Variants in EFNA5 observed in about 807,000 individuals in gnomAD.
The protein encoded by EFNA5 is ephrin-A5.
A neutral mutation model predicts 22.9 loss-of-function variants in EFNA5; 5 were observed. The ratio of observed to expected loss-of-function variants is 0.22; its 90% confidence interval spans 0.11 to 0.46. The LOEUF (loss-of-function observed/expected upper bound fraction) is 0.46. EFNA5 is among the 20% of genes least tolerant of loss of function. EFNA5 has a pLI of 0.99. For synonymous variants in EFNA5, 113 were observed against 112.2 expected, an observed-to-expected ratio of 1.01 and a Z score of -0.04; for missense variants, 237 against 293.3, an observed-to-expected ratio of 0.81 and a Z score of 1.40.
chr5:107,623,594 A>G (rs764048704), intron 1 of EFNA5, among the ~76,000 whole-genome samples: 12 of 152,174 alleles, frequency 7.9e-5, no homozygotes, highest in Non-Finnish European at 1.5e-4. Flanking sequence ...GAAGTACTGT[A>G]CAGCATGAAT....
chr5:107,515,783 C>A (rs1180412419), intron 1 of EFNA5, among the ~76,000 whole-genome samples: 4 of 152,266 alleles, frequency 2.6e-5, no homozygotes, highest in East Asian at 3.9e-4. Context: ...AATCTTATAA[C>A]CTCTTCCTAC....
chr5:107,588,418 C>A (rs971925333), intron 1 of EFNA5, among the ~76,000 whole-genome samples: 1 of 152,140 alleles, frequency 6.6e-6, no homozygotes, highest in Admixed American at 6.5e-5. Context: ...AGTCTCTCTG[C>A]ACTGACACTA....
rs1554055943 is a variant in EFNA5, at chr5:107,387,784, C to G, written c.419-13G>C. The G allele has an allele frequency of 1.1e-5, 17 of 1,588,370 alleles. No individual in the cohort carries two copies. The South Asian group carries it at 1.9e-4, about 18-fold the overall frequency. The stretch of plus-strand genomic sequence containing the variant: ...GGGATTGCAGAGGCTGTGGGTAACA[C>G]AGAGAGAGAGCAGGAAAGAAAGAAG... On this transcript the variant is annotated splice_polypyrimidine_tract_variant and intron_variant, in intron 2 of 4. Transcript: ENST00000333274.
intron 2 of EFNA5, among the ~76,000 whole-genome samples, chr5:107,395,034 C>CTTGTTTTTTTTTTTTTTTT (rs1747883498): frequency 1.2e-5 from 1 of 86,142 alleles, no homozygotes; most frequent in Non-Finnish European, 2.2e-5. Flanking sequence ...ATTTCTAGTT[C>CTTGTTTTTTTTTTTTTTTT]TTTTTTTTTT....
At chr5:107,563,287 C>A (rs187036768) in intron 1 of EFNA5, among the ~76,000 whole-genome samples, 1 of 152,166 alleles carries the variant, frequency 6.6e-6, no homozygotes, top group Non-Finnish European at 1.5e-5. Flanking sequence ...TCCCCAAGCA[C>A]CCCACTTTCC....
At chr5:107,561,610 C>T (rs755761808) in intron 1 of EFNA5, among the ~76,000 whole-genome samples, 3 of 152,090 alleles carry the variant, frequency 2.0e-5, no homozygotes, top group East Asian at 1.9e-4. Flanking sequence ...CCTCGTGACC[C>T]GCCCACCTAA....
intron 1 of EFNA5, among the ~76,000 whole-genome samples, chr5:107,430,240 G>T (rs1748912179): frequency 6.6e-6 from 1 of 152,174 alleles, no homozygotes; most frequent in Admixed American, 6.5e-5. Context: ...ACACTGCAAA[G>T]TTCAGATAAA....
At chr5:107,623,027 CAAAAAAAAAAAAAAAAA>C (rs61689503) in intron 1 of EFNA5, among the ~76,000 whole-genome samples, 4 of 29,886 alleles carry the variant, frequency 1.3e-4, no homozygotes, top group South Asian at 2.4e-3. Flanking sequence ...GACTCCGTCT[CAAAAAAAAAAAAAAAAA>C]AAAAAAAAAA....
intron 1 of EFNA5, among the ~76,000 whole-genome samples, chr5:107,569,559 T>TTATATTTA (rs1554067019): frequency 9.4e-5 from 4 of 42,530 alleles, no homozygotes; most frequent in Non-Finnish European, 1.7e-4. Context: ...ATATATATAT[T>TTATATTTA]TATATATATA....
At chr5:107,561,062 G>A (rs558218124) in intron 1 of EFNA5, among the ~76,000 whole-genome samples, 2 of 152,118 alleles carry the variant, frequency 1.3e-5, no homozygotes, top group Non-Finnish European at 2.9e-5. Context: ...TGCTGTATAA[G>A]GGATATAATC....
At chr5:107,581,014 A>C (rs1165951394) in intron 1 of EFNA5, among the ~76,000 whole-genome samples, 1 of 152,172 alleles carries the variant, frequency 6.6e-6, no homozygotes, top group Non-Finnish European at 1.5e-5. Flanking sequence ...ATGAAACTGG[A>C]AGAAGACTTT....
At chr5:107,535,140 G>A (rs1369593020) in intron 1 of EFNA5, among the ~76,000 whole-genome samples, 1 of 152,178 alleles carries the variant, frequency 6.6e-6, no homozygotes, top group African/African-American at 2.4e-5. Flanking sequence ...AAGAGAGGAG[G>A]GTAATGGCAG....
intron 2 of EFNA5, among the ~76,000 whole-genome samples, chr5:107,392,397 G>A (rs1055791348): frequency 6.6e-6 from 1 of 152,140 alleles, no homozygotes; most frequent in African/African-American, 2.4e-5. Flanking sequence ...ATTTCCAATG[G>A]AGAGGACCAT....
At chr5:107,599,864 C>T (rs1749558305) in intron 1 of EFNA5, among the ~76,000 whole-genome samples, 1 of 152,216 alleles carries the variant, frequency 6.6e-6, no homozygotes, top group African/African-American at 2.4e-5. Flanking sequence ...CTGTGCCTTG[C>T]AGACACACAA....
At chr5:107,399,366 AAGGAGGGAGGAAGGAAGG>A (rs1475843815) in intron 2 of EFNA5, among the ~76,000 whole-genome samples, 7 of 143,364 alleles carry the variant, frequency 4.9e-5, no homozygotes, top group Admixed American at 1.4e-4. Flanking sequence ...AAAGGAAAGG[AAGGAGGGAGGAAGGAAGG>A]AAGGAAAGAA....
intron 1 of EFNA5, among the ~76,000 whole-genome samples, chr5:107,575,187 A>G (rs1435152444): frequency 6.6e-6 from 1 of 152,242 alleles, no homozygotes; most frequent in African/African-American, 2.4e-5. Flanking sequence ...AGAGGTGAAA[A>G]GCAGCCTTTA....
intron 1 of EFNA5, among the ~76,000 whole-genome samples, chr5:107,496,011 C>T (rs946817661): frequency 1.3e-5 from 2 of 151,992 alleles, no homozygotes; most frequent in African/African-American, 2.4e-5. Context: ...CTTCCTCTAA[C>T]GTCAACCCAA....
intron 1 of EFNA5, among the ~76,000 whole-genome samples, chr5:107,502,818 G>A (rs898262833): frequency 1.3e-5 from 2 of 152,088 alleles, no homozygotes; most frequent in Admixed American, 6.5e-5. Flanking sequence ...ATTGAAAGGC[G>A]GGAAGGACTA....
intron 1 of EFNA5, among the ~76,000 whole-genome samples, chr5:107,517,037 A>G (rs1272967106): frequency 6.6e-6 from 1 of 152,158 alleles, no homozygotes; most frequent in African/African-American, 2.4e-5. Flanking sequence ...TAGAATACAC[A>G]CGTCATAAAA....
Sources: gnomAD v4.1 joint callset for allele counts (sites outside exome capture counted in the v4.1 genomes callset) on GRCh38, gnomAD v4.1.1 for gene constraint, MANE v1.5 for transcripts, NCBI Gene and HGNC (gene_info 2026-07-23, HGNC 2026-07-21) for gene names.